Variants in UNC79 observed in about 807,000 individuals in gnomAD.
UNC79 encodes protein unc-79 homolog.
A neutral mutation model predicts 283.1 loss-of-function variants in UNC79; 37 were observed. The ratio of observed to expected loss-of-function variants is 0.13; its 90% CI spans 0.10 to 0.17. UNC79 has a LOEUF of 0.17. UNC79 is among the 10% of genes least tolerant of loss of function. UNC79 has a pLI of 1.00. For missense variants in UNC79, 2,272 were observed against 3,211.1 expected (o/e 0.71, Z 7.07); for synonymous variants, 1,107 against 1,200.2 (o/e 0.92, Z 1.61).
At chr14:93,692,204 A>G (rs1304063086) in intron 46 of UNC79, among the ~76,000 whole-genome samples, 6 of 152,220 alleles carry the variant, frequency 3.9e-5, no homozygotes, top group Non-Finnish European at 1.5e-5. Context: ...AATATATTCT[A>G]TACTTGAAAA....
intron 1 of UNC79, among the ~76,000 whole-genome samples, chr14:93,353,000 A>G (rs2054008961): frequency 6.6e-6 from 1 of 152,202 alleles, no homozygotes; most frequent in Admixed American, 6.5e-5. Flanking sequence ...ATACTTTGGT[A>G]GGTTCAACAG....
intron 4 of UNC79, among the ~76,000 whole-genome samples, chr14:93,478,811 C>T (rs909429631): frequency 3.3e-5 from 5 of 152,146 alleles, no homozygotes; most frequent in South Asian, 2.1e-4. Context: ...TATGTACTTA[C>T]GATCTTATTA....
At chr14:93,573,128 C>A (rs550421663) in intron 16 of UNC79, among the ~76,000 whole-genome samples, 24 of 152,236 alleles carry the variant, frequency 1.6e-4, no homozygotes, top group African/African-American at 5.8e-4. Context: ...TCTGATAAAT[C>A]TTTGATATTA....
At chr14:93,510,200 A>G (rs1374266395) in intron 7 of UNC79, among the ~76,000 whole-genome samples, 1 of 152,202 alleles carries the variant, frequency 6.6e-6, no homozygotes, top group African/African-American at 2.4e-5. Context: ...GGCCCTGCCC[A>G]TGAAACCATT....
chr14:93,423,703 A>G (rs1469483784), intron 1 of UNC79, among the ~76,000 whole-genome samples: 1 of 152,254 alleles, frequency 6.6e-6, no homozygotes, highest in African/African-American at 2.4e-5. Context: ...CACCATATAC[A>G]AAAATCAAAT....
intron 1 of UNC79, among the ~76,000 whole-genome samples, chr14:93,345,173 G>T (rs1297698286): frequency 3.9e-5 from 6 of 152,176 alleles, no homozygotes; most frequent in African/African-American, 1.4e-4. Context: ...CAAGGAAGTG[G>T]GCCCTCACTG....
chr14:93,515,648 C>T (rs1197383188), intron 7 of UNC79, among the ~76,000 whole-genome samples: 1 of 152,028 alleles, frequency 6.6e-6, no homozygotes, highest in East Asian at 1.9e-4. Context: ...TTATCTTTCC[C>T]TCTATATTCT....
At chr14:93,683,131 A>G (rs2073968821) in intron 42 of UNC79, among the ~76,000 whole-genome samples, 5 of 150,878 alleles carry the variant, frequency 3.3e-5, no homozygotes, top group Admixed American at 3.3e-4. Flanking sequence ...TGACTAAACT[A>G]TGTTTTTTTT....
chr14:93,412,655 C>T (rs1320394342), intron 1 of UNC79, among the ~76,000 whole-genome samples: 1 of 152,022 alleles, frequency 6.6e-6, no homozygotes, highest in Non-Finnish European at 1.5e-5. Flanking sequence ...GTCTTACAAC[C>T]TTCTTGTACT....
At chr14:93,602,601 C>T (rs369626876) in intron 25 of UNC79, among the ~76,000 whole-genome samples, 15 of 151,850 alleles carry the variant, frequency 9.9e-5, no homozygotes, top group African/African-American at 1.5e-4. Context: ...TTTTTGGTTC[C>T]GTAGGAATTT....
At chr14:93,596,913 G>A (rs1026935522) in intron 23 of UNC79, among the ~76,000 whole-genome samples, 2 of 152,126 alleles carry the variant, frequency 1.3e-5, no homozygotes, top group African/African-American at 2.4e-5. Context: ...TTCACACCAC[G>A]ACCTACTAAG....
At chr14:93,507,316 A>G (rs1208337363) in intron 7 of UNC79, among the ~76,000 whole-genome samples, 1 of 152,186 alleles carries the variant, frequency 6.6e-6, no homozygotes, top group Non-Finnish European at 1.5e-5. Context: ...ACAGTTTTCT[A>G]AAGTGTTTAT....
intron 1 of UNC79, among the ~76,000 whole-genome samples, chr14:93,340,086 G>C (rs925347246): frequency 1.3e-5 from 2 of 152,208 alleles, no homozygotes; most frequent in Non-Finnish European, 2.9e-5. Flanking sequence ...GTTCATGACA[G>C]CTATAGAAAC....
At chr14:93,453,008 A>G (rs1387177620) in intron 1 of UNC79, among the ~76,000 whole-genome samples, 1 of 152,214 alleles carries the variant, frequency 6.6e-6, no homozygotes, top group African/African-American at 2.4e-5. Context: ...TTCTGAATCA[A>G]AGTACATCTG....
intron 39 of UNC79, among the ~76,000 whole-genome samples, chr14:93,661,400 C>G (rs2071589400): frequency 6.6e-6 from 1 of 152,152 alleles, no homozygotes; most frequent in South Asian, 2.1e-4. Context: ...TGTGTCCTTT[C>G]CTACATATCT....
chr14:93,485,765 C>G (rs1369724488), intron 4 of UNC79, among the ~76,000 whole-genome samples: 1 of 152,122 alleles, frequency 6.6e-6, no homozygotes, highest in Non-Finnish European at 1.5e-5. Flanking sequence ...GCGTAGGCAG[C>G]TGGGTTAGCA....
chr14:93,345,808 T>C, intron 1 of UNC79, among the ~76,000 whole-genome samples: 1 of 151,958 alleles, frequency 6.6e-6, no homozygotes, highest in Non-Finnish European at 1.5e-5. Flanking sequence ...AGAAAGGTCT[T>C]ACCCACTGCT....
At chr14:93,570,103 T>C (rs2063127811) in intron 14 of UNC79, among the ~76,000 whole-genome samples, 1 of 152,158 alleles carries the variant, frequency 6.6e-6, no homozygotes, top group African/African-American at 2.4e-5. Context: ...CATACCACCA[T>C]GCCTGGCTAA....
intron 45 of UNC79, chr14:93,691,272 G>C (rs748001093): frequency 6.1e-5 from 11 of 179,388 alleles, no homozygotes; most frequent in Non-Finnish European, 1.1e-4. Context: ...CTCTCTGCAC[G>C]TGCTTTCCGC....
Sources: allele counts gnomAD v4.1 joint callset (sites outside exome capture counted in the v4.1 genomes callset), GRCh38; gene constraint gnomAD v4.1.1; transcripts MANE v1.5; gene names NCBI Gene and HGNC (gene_info 2026-07-23, HGNC 2026-07-21).